Variants in PRKN observed in about 807,000 individuals in gnomAD.
The protein encoded by PRKN is E3 ubiquitin-protein ligase parkin.
In PRKN, 56 loss-of-function variants were observed where a neutral mutation model predicts 59.5. That is an observed-to-expected ratio of 0.94 (90% confidence interval 0.76 to 1.18). The LOEUF is 1.18. Ranked by LOEUF, PRKN falls within the 50% of genes most tolerant of loss-of-function variation. The pLI, the probability that PRKN is intolerant of heterozygous loss-of-function variation, is 0.00. For missense variants in PRKN, 657 were observed against 596.4 expected, an observed-to-expected ratio of 1.10 and a Z score of -1.06; for synonymous variants, 250 against 222.1, an observed-to-expected ratio of 1.13 and a Z score of -1.12.
chr6:162,626,939 T>C (rs980215266), intron 1 of PRKN, among the ~76,000 whole-genome samples: 1 of 152,206 alleles, frequency 6.6e-6, no homozygotes, highest in African/African-American at 2.4e-5. Context: ...TAACTGACCA[T>C]TCAAATTTTG....
intron 4 of PRKN, among the ~76,000 whole-genome samples, chr6:162,158,420 T>TGGG (rs765336566): frequency 1.3e-5 from 1 of 78,408 alleles, no homozygotes; most frequent in Non-Finnish European, 2.9e-5. Context: ...GTTTGCGTTT[T>TGGG]TTTTTTTTTT....
intron 4 of PRKN, among the ~76,000 whole-genome samples, chr6:162,195,346 T>C (rs1295268918): frequency 6.6e-6 from 1 of 152,166 alleles, no homozygotes; most frequent in African/African-American, 2.4e-5. Flanking sequence ...AAAGTAAGCT[T>C]AGGTCTATTC....
At chr6:162,661,669 T>G (rs1778886408) in intron 1 of PRKN, among the ~76,000 whole-genome samples, 1 of 152,222 alleles carries the variant, frequency 6.6e-6, no homozygotes, top group Admixed American at 6.5e-5. Context: ...GTTTGTTGCT[T>G]TGTTAAATAT....
intron 7 of PRKN, among the ~76,000 whole-genome samples, chr6:161,675,546 G>A (rs1785055578): frequency 6.6e-6 from 1 of 152,174 alleles, no homozygotes; most frequent in Non-Finnish European, 1.5e-5. Context: ...TTACTTCTGG[G>A]GGTGTCGGCA....
At chr6:161,786,911 G>A (rs1417055534) in intron 6 of PRKN, among the ~76,000 whole-genome samples, 5 of 150,708 alleles carry the variant, frequency 3.3e-5, no homozygotes, top group Non-Finnish European at 5.9e-5. Flanking sequence ...ATACTCTGTA[G>A]AAAAAAAAAT....
chr6:162,489,569 G>A (rs1156442755), intron 1 of PRKN, among the ~76,000 whole-genome samples: 5 of 152,094 alleles, frequency 3.3e-5, no homozygotes, highest in African/African-American at 7.2e-5. Context: ...ACGCAAAACC[G>A]CACTTTGCCC....
chr6:161,649,190 C>T (rs1252935444), intron 7 of PRKN, among the ~76,000 whole-genome samples: 2 of 152,162 alleles, frequency 1.3e-5, no homozygotes, highest in Non-Finnish European at 2.9e-5. Context: ...AAAAGAGGCC[C>T]AGCTGACTCA....
At chr6:161,426,420 T>C (rs1788359887) in intron 9 of PRKN, among the ~76,000 whole-genome samples, 1 of 152,030 alleles carries the variant, frequency 6.6e-6, no homozygotes, top group African/African-American at 2.4e-5. Flanking sequence ...GCTGCCAGTG[T>C]AGCTAAAATA....
chr6:161,685,752 G>A (rs1014760239), intron 7 of PRKN, among the ~76,000 whole-genome samples: 1 of 152,274 alleles, frequency 6.6e-6, no homozygotes, highest in East Asian at 1.9e-4. Context: ...GGATATGAGG[G>A]CAAAGGGTAT....
intron 6 of PRKN, among the ~76,000 whole-genome samples, chr6:161,830,536 G>C (rs904618445): frequency 6.6e-6 from 1 of 152,154 alleles, no homozygotes; most frequent in South Asian, 2.1e-4. Flanking sequence ...ACAGGCGTGA[G>C]CCCCCGCACC....
At chr6:161,806,389 A>C (rs1052910677) in intron 6 of PRKN, among the ~76,000 whole-genome samples, 4 of 152,198 alleles carry the variant, frequency 2.6e-5, no homozygotes, top group Admixed American at 6.5e-5. Context: ...AAGCACCCGC[A>C]TCATTTCTCC....
At position 161,973,328 on chromosome 6, in the gene PRKN, G is replaced by T; in HGVS notation, c.708C>A (p.Ile236=). ...LHLIATNSRN[I]TCITCTDVRS... is the part of the protein sequence containing the mutation. The stretch of plus-strand genomic sequence containing the variant: ...TGACGTCTGTGCACGTAATGCAAGT[G>T]ATGTTCCGACTATTTGTTGCGATCA... Residue 236 remains isoleucine (I), a synonymous_variant, in exon 6 of 12, where the codon ATC becomes ATA. Coordinates refer to ENST00000366898, the MANE Select transcript of PRKN (RefSeq NM_004562.3). The T allele has an allele frequency of 6.2e-7, 1 of 1,612,970 alleles. No individual in the cohort carries two copies. The highest frequency in any genetic ancestry group is 8.5e-7 in the Non-Finnish European group (1 of 1,178,924).
At chr6:162,069,826 T>C (rs1291337424) in intron 4 of PRKN, among the ~76,000 whole-genome samples, 3 of 152,230 alleles carry the variant, frequency 2.0e-5, no homozygotes, top group Non-Finnish European at 2.9e-5. Context: ...TTCTTATTAA[T>C]ATTTTTCATT....
chr6:162,201,234 T>C lies in PRKN; in HGVS notation c.431A>G (p.Asn144Ser), dbSNP rs1784718370. 6.2e-7 allele frequency: 1 copy of C among 1,613,964 alleles called. No homozygotes were observed. The highest frequency in any genetic ancestry group is 1.3e-5 in the African/African-American group (1 of 75,048). Residue 144 changes from asparagine (N) to serine (S), a missense_variant, in exon 4 of 12, where the codon AAC (asparagine) becomes AGC (serine). Coordinates refer to ENST00000366898, the MANE Select transcript of PRKN (RefSeq NM_004562.3). ...AGSPAGRSIY[N>S]SFYVYCKGPC... The stretch of plus-strand genomic sequence containing the variant: ...GCCTTTGCAATACACATAAAAGCTG[T>C]TGTAGATTGATCTACCTGCTGGAGA...
chr6:162,503,132 A>ATTTTTTT (rs1314559813), intron 1 of PRKN, among the ~76,000 whole-genome samples: 8 of 86,572 alleles, frequency 9.2e-5, no homozygotes, highest in African/African-American at 3.5e-4. Flanking sequence ...AATAGTCTTC[A>ATTTTTTT]TTTCTTTTTT....
Position 161,808,264 on chromosome 6 carries a change from T to C in PRKN, c.735-22356A>G, listed in dbSNP as rs555450960. Among the ~76,000 whole-genome samples the C allele has an allele frequency of 2.2e-3, 329 of 152,296 alleles. 1 individual carries two copies. The highest frequency in any genetic ancestry group is 7.4e-3 in the African/African-American group (307 of 41,574). On this transcript the variant is annotated intron_variant, in intron 6 of 11. Transcript: ENST00000366898. ...AATTTTCAATTTAAAATATTATTTT[T>C]ATTCTGCAAAGGACATCATTGGGTC...
intron 6 of PRKN, among the ~76,000 whole-genome samples, chr6:161,855,082 CAAAA>C (rs1203185737): frequency 2.2e-5 from 1 of 45,648 alleles, no homozygotes; most frequent in Non-Finnish European, 4.6e-5. Flanking sequence ...GACTTCATCT[CAAAA>C]AAAAAAAAAA....
intron 7 of PRKN, among the ~76,000 whole-genome samples, chr6:161,687,530 C>T (rs1785609345): frequency 6.6e-6 from 1 of 150,590 alleles, no homozygotes; most frequent in Non-Finnish European, 1.5e-5. Flanking sequence ...CATCTCGGCT[C>T]ACTGCAACCT....
intron 7 of PRKN, among the ~76,000 whole-genome samples, chr6:161,570,700 T>G (rs1583242036): frequency 6.6e-6 from 1 of 152,178 alleles, no homozygotes. Context: ...CATAGACTAT[T>G]GATGTTATAG....
Sources: allele counts gnomAD v4.1 joint callset (sites outside exome capture counted in the v4.1 genomes callset), GRCh38; gene constraint gnomAD v4.1.1; transcripts MANE v1.5; gene names NCBI Gene and HGNC (gene_info 2026-07-23, HGNC 2026-07-21).